SYNE1: variants seen among roughly 807,000 people sequenced by gnomAD.
SYNE1 encodes the protein nesprin-1.
A neutral mutation model predicts 1,111.0 loss-of-function variants in SYNE1; 616 were observed. That is an observed-to-expected ratio of 0.55 (90% CI 0.52 to 0.59). The LOEUF (loss-of-function observed/expected upper bound fraction) is 0.59. Ranked by LOEUF, SYNE1 falls within the 20% of genes least tolerant of loss-of-function variation. SYNE1 has a pLI of 0.00. For synonymous variants in SYNE1, 3,855 were observed against 3,825.8 expected (o/e 1.01, Z -0.28); for missense variants, 10,006 against 10,417.0 (o/e 0.96, Z 1.72).
intron 108 of SYNE1, among the ~76,000 whole-genome samples, chr6:152,238,384 A>T (rs998916295): frequency 2.6e-5 from 4 of 152,356 alleles, no homozygotes; most frequent in African/African-American, 9.6e-5. Flanking sequence ...GGTTATGATA[A>T]AGATGAGATG....
At chr6:152,497,577 T>G (rs1296892792) in intron 11 of SYNE1, among the ~76,000 whole-genome samples, 1 of 152,166 alleles carries the variant, frequency 6.6e-6, no homozygotes. Flanking sequence ...TAAAAAGCAC[T>G]TGACTGCCCT....
chr6:152,339,211 C>A lies in SYNE1; in HGVS notation c.12351+30G>T, dbSNP rs762437146. 7 of 1,611,016 alleles carry A rather than the reference C, an allele frequency of 4.3e-6. No individual in the cohort carries two copies. The South Asian group carries it at 6.6e-5, about 15-fold the overall frequency. On this transcript the variant is annotated intron_variant, in intron 75 of 145. Transcript: ENST00000367255. Reference sequence around the variant, plus strand: ...AAGCAAGAGAATATAATAAAACAAACAAATTCAATGTGATTTTTCATTTTC... The same window carrying A: ...AAGCAAGAGAATATAATAAAACAAAAAAATTCAATGTGATTTTTCATTTTC...
chr6:152,184,182 T>G (rs2068988584), intron 128 of SYNE1, among the ~76,000 whole-genome samples: 1 of 152,182 alleles, frequency 6.6e-6, no homozygotes, highest in Non-Finnish European at 1.5e-5. Context: ...ACGCCTATTA[T>G]CCCAGCACTT....
intron 101 of SYNE1, among the ~76,000 whole-genome samples, chr6:152,259,730 C>T (rs1317487442): frequency 6.6e-6 from 1 of 152,056 alleles, no homozygotes; most frequent in Admixed American, 6.6e-5. Flanking sequence ...TCCTTTCTGC[C>T]TGGAAACTGA....
chr6:152,182,625 T>C (rs570352406), intron 128 of SYNE1, among the ~76,000 whole-genome samples: 2 of 152,352 alleles, frequency 1.3e-5, no homozygotes, highest in East Asian at 1.9e-4. Flanking sequence ...TAAGGTATTA[T>C]ACACTTTCTA....
At chr6:152,549,452 G>T (rs187744122) in intron 3 of SYNE1, among the ~76,000 whole-genome samples, 14 of 152,248 alleles carry the variant, frequency 9.2e-5, no homozygotes, top group African/African-American at 2.2e-4. Context: ...TGTGTGGGGG[G>T]GCGGTGGGAG....
At position 152,219,109 on chromosome 6, in the gene SYNE1, T is replaced by C. The variant is rs766479167; in HGVS notation, c.21938A>G (p.Gln7313Arg). The change falls in exon 120 of 146, where the codon CAA becomes CGA. Residue 7313 changes from glutamine (Q) to arginine (R), a missense_variant. Transcript: ENST00000367255. ...AGCTGATGCTGCGGAAGCATCCACT[T>C]GTTGCTTCAGTTGCTCTCCCAGCTC... is the stretch of plus-strand genomic sequence containing the variant. Reference protein sequence around the residue: ...LHELGEQLKQQVDASAASAIQ... With the variant: ...LHELGEQLKQRVDASAASAIQ... 4 of 1,614,026 alleles carry C rather than the reference T, an allele frequency of 2.5e-6. No individual in the cohort carries two copies. In the South Asian group the frequency reaches 4.4e-5, roughly 18 times the overall value.
intron 128 of SYNE1, among the ~76,000 whole-genome samples, chr6:152,187,923 A>G (rs939592063): frequency 1.6e-4 from 25 of 152,068 alleles, no homozygotes; most frequent in African/African-American, 5.5e-4. Flanking sequence ...ACAGGGTTTC[A>G]CCATGTTGGC....
rs377115683 is a variant in SYNE1 at position 152,260,899 on chromosome 6, G to A, written c.18972+1133C>T. On this transcript the variant is annotated intron_variant, in intron 101 of 145. Transcript: ENST00000367255. ...AGGCAGTAATGCTCACCTGCCTGCC[G>A]CTCACCTCTTGCTGTGAGGTCCAGT... Among the ~76,000 whole-genome samples, 43 of 152,136 alleles carry A rather than the reference G, an allele frequency of 2.8e-4. No homozygotes were observed. In the South Asian group the frequency reaches 3.5e-3, roughly 12 times the overall value.
At chr6:152,390,878 G>A (rs1317729652) in intron 52 of SYNE1, among the ~76,000 whole-genome samples, 2 of 152,040 alleles carry the variant, frequency 1.3e-5, no homozygotes, top group African/African-American at 4.8e-5. Flanking sequence ...TACCCTTGAT[G>A]GCTTTAATCA....
At chr6:152,393,864 A>G (rs1424564871) in intron 51 of SYNE1, among the ~76,000 whole-genome samples, 1 of 152,200 alleles carries the variant, frequency 6.6e-6, no homozygotes, top group East Asian at 1.9e-4. Context: ...TCTGGGATAC[A>G]TGTGCAGAAT....
chr6:152,180,241 G>A lies in SYNE1; in HGVS notation c.23355C>T (p.Phe7785=), dbSNP rs772418162. The A allele has an allele frequency of 3.7e-6, 6 of 1,613,968 alleles. No homozygotes were observed. In the Admixed American group the frequency reaches 5.0e-5, roughly 13 times the overall value. ...CACAGAGTTCCTTGTTCTTTTCACT[G>A]AAGACTGCCCATTCATTCAATCTTT... The part of the protein sequence containing the change: ...IGERLNEWAV[F]SEKNKELCEW... Residue 7785 remains phenylalanine, a synonymous_variant, in exon 129 of 146, where the codon TTC becomes TTT. Coordinates refer to ENST00000367255, the MANE Select transcript of SYNE1 (RefSeq NM_182961.4).
At chr6:152,187,025 A>G (rs1020359196) in intron 128 of SYNE1, among the ~76,000 whole-genome samples, 1 of 152,204 alleles carries the variant, frequency 6.6e-6, no homozygotes, top group Non-Finnish European at 1.5e-5. Context: ...GAAATGAATC[A>G]AGTGTTGTGA....
chr6:152,258,728 C>T (rs1396757099), intron 101 of SYNE1, among the ~76,000 whole-genome samples: 1 of 151,620 alleles, frequency 6.6e-6, no homozygotes. Flanking sequence ...AACTCAGTCT[C>T]CTTTTTCTTT....
In SYNE1 at chr6:152,552,600, C is replaced by T. The variant is rs540041161; in HGVS notation, c.68-12579G>A. The stretch of plus-strand genomic sequence containing the variant: ...TTTTAACAACAAAACTCATAAATCT[C>T]AGATGGAGATGAAATGAAAAACAGC... On this transcript the variant is annotated intron_variant, in intron 3 of 145. Coordinates refer to ENST00000367255, the MANE Select transcript of SYNE1 (RefSeq NM_182961.4). Among the ~76,000 whole-genome samples the T allele has an allele frequency of 3.9e-5, 6 of 152,218 alleles. No individual in the cohort carries two copies. In the South Asian group the frequency reaches 1.2e-3, roughly 32 times the overall value.
chr6:152,254,546 G>A (rs751524722), intron 104 of SYNE1, among the ~76,000 whole-genome samples: 11 of 152,034 alleles, frequency 7.2e-5, no homozygotes, highest in Admixed American at 2.6e-4. Context: ...CACTGTGCCC[G>A]GCCATTTTCT....
chr6:152,630,509 A>T (rs2099696267), intron 2 of SYNE1, among the ~76,000 whole-genome samples: 1 of 152,208 alleles, frequency 6.6e-6, no homozygotes. Flanking sequence ...ACCTGCCCAC[A>T]TACAAAAGCT....
chr6:152,355,050 G>A (rs1046024310), intron 66 of SYNE1, 74 bp from the exon 67 acceptor site: 58 of 1,528,908 alleles, frequency 3.8e-5, no homozygotes, highest in Non-Finnish European at 4.8e-5. Context: ...TCTTGCCCAA[G>A]CCAACTGTGC....
chr6:152,632,716 C>T (rs1325894231), intron 2 of SYNE1, among the ~76,000 whole-genome samples: 1 of 152,132 alleles, frequency 6.6e-6, no homozygotes, highest in Non-Finnish European at 1.5e-5. Context: ...CTTTTCTGAG[C>T]CCTTCTTTCA....
Sources: allele counts gnomAD v4.1 joint callset (sites outside exome capture counted in the v4.1 genomes callset), GRCh38; gene constraint gnomAD v4.1.1; transcripts MANE v1.5; gene names NCBI Gene and HGNC (gene_info 2026-07-23, HGNC 2026-07-21).